SLC35F1: variants seen among roughly 807,000 people sequenced by gnomAD.
The protein encoded by SLC35F1 is solute carrier family 35 member F1.
Under a neutral mutation model 48.7 loss-of-function variants are expected in SLC35F1, and 14 were observed. That is an observed-to-expected ratio of 0.29 (90% CI 0.19 to 0.45). The LOEUF is 0.45. Ranked by LOEUF, SLC35F1 falls within the 20% of genes least tolerant of loss-of-function variation. SLC35F1 has a pLI of 1.00. For synonymous variants in SLC35F1, 190 were observed against 202.2 expected (o/e 0.94, Z 0.51); for missense variants, 404 against 500.0 (o/e 0.81, Z 1.83).
In SLC35F1 at chr6:118,103,797, A is replaced by G. The variant is rs144253074; in HGVS notation, c.174-50648A>G. ...GTTGCAGCTTTTCTAAACCCAGATGATTGTTCAGGCAACCTTGAAATGTTT... is the reference window on the plus strand; with the variant it reads ...GTTGCAGCTTTTCTAAACCCAGATGGTTGTTCAGGCAACCTTGAAATGTTT... On this transcript the variant is annotated intron_variant, in intron 1 of 7. Coordinates refer to ENST00000360388, the MANE Select transcript of SLC35F1 (RefSeq NM_001029858.4). Among the ~76,000 whole-genome samples the G allele has an allele frequency of 2.1e-3, 316 of 152,206 alleles. 1 individual carries two copies. The highest frequency in any genetic ancestry group is 7.5e-3 in the African/African-American group (312 of 41,534).
At chr6:118,066,845 G>C (rs1372410690) in intron 1 of SLC35F1, among the ~76,000 whole-genome samples, 2 of 149,944 alleles carry the variant, frequency 1.3e-5, no homozygotes, top group Non-Finnish European at 3.0e-5. Flanking sequence ...AAATTTGGTA[G>C]CATGAAACCC....
At chr6:118,211,814 T>C (rs1297505939) in intron 2 of SLC35F1, among the ~76,000 whole-genome samples, 2 of 152,350 alleles carry the variant, frequency 1.3e-5, no homozygotes, top group East Asian at 1.9e-4. Flanking sequence ...AAGAACTTAG[T>C]TGATGCATTA....
chr6:118,068,873 C>G (rs1267796204), intron 1 of SLC35F1, among the ~76,000 whole-genome samples: 1 of 152,066 alleles, frequency 6.6e-6, no homozygotes, highest in Non-Finnish European at 1.5e-5. Context: ...AAATAGAAAA[C>G]AAATTCCATT....
Position 118,314,148 on chromosome 6 carries a change from G to A in SLC35F1, c.1123G>A (p.Gly375Arg), listed in dbSNP as rs1295504402. 2 of 1,614,134 alleles carry A rather than the reference G, an allele frequency of 1.2e-6. No homozygotes were observed. Among genetic ancestry groups the A allele is most frequent in the African/African-American group, 2.7e-5 (2 of 75,048 alleles). The change falls in exon 8 of 8, where the codon GGA (glycine) becomes AGA (arginine). Residue 375 changes from glycine (G) to arginine (R), a missense_variant. Gly to Arg is a moderately radical substitution (Grantham distance 125). Around this residue, in one of 2 missense-constraint regions of SLC35F1, gnomAD observed 306 missense variants for 419.1 expected, o/e 0.73. Transcript: ENST00000360388. Reference sequence around the variant, plus strand: ...GTATAAGCAGTTCCGCAATCCTTCAGGACCTGTTGTGGACTTACCGACCAC... The same window carrying A: ...GTATAAGCAGTTCCGCAATCCTTCAAGACCTGTTGTGGACTTACCGACCAC... ...RVYKQFRNPS[G>R]PVVDLPTTAQ...
chr6:117,942,055 A>G (rs1351249771), intron 1 of SLC35F1, among the ~76,000 whole-genome samples: 2 of 152,248 alleles, frequency 1.3e-5, no homozygotes, highest in African/African-American at 4.8e-5. Flanking sequence ...AGAAAGGTCA[A>G]TGACATGTAT....
In SLC35F1 at chr6:118,112,366, A is replaced by G. The variant is rs371854387; in HGVS notation, c.174-42079A>G. ...TTAATCTTTTCTCACAAACCCTTGT[A>G]GCAGAGTACATCTCCCCATGATCTT... On this transcript the variant is annotated intron_variant, in intron 1 of 7. Transcript: ENST00000360388. Among the ~76,000 whole-genome samples the G allele has an allele frequency of 2.7e-4, 41 of 152,320 alleles. 1 individual carries two copies. The South Asian group carries it at 8.1e-3, about 30-fold the overall frequency.
chr6:118,126,625 C>T (rs936364770), intron 1 of SLC35F1, among the ~76,000 whole-genome samples: 2 of 151,370 alleles, frequency 1.3e-5, no homozygotes, highest in Admixed American at 1.3e-4. Flanking sequence ...ATGGAATGTT[C>T]TTCCATTTGT....
intron 1 of SLC35F1, among the ~76,000 whole-genome samples, chr6:118,063,087 T>G (rs1259865993): frequency 6.6e-6 from 1 of 152,156 alleles, no homozygotes; most frequent in Non-Finnish European, 1.5e-5. Context: ...AGTTATTGTC[T>G]ATAATCAGGA....
At position 118,009,027 on chromosome 6, in the gene SLC35F1, G is replaced by A. The variant is rs184703898; in HGVS notation, c.173+101128G>A. On this transcript the variant is annotated intron_variant, in intron 1 of 7. Transcript: ENST00000360388. Reference sequence around the variant, plus strand: ...AGAAATATCTTTTGTGTTGATACTCGTGTACTGTCGTGAAGTGTCATTTAT... The same window carrying A: ...AGAAATATCTTTTGTGTTGATACTCATGTACTGTCGTGAAGTGTCATTTAT... 1.6e-4 allele frequency among the ~76,000 whole-genome samples: 24 copies of A among 152,238 alleles called. No homozygotes were observed. The East Asian group carries it at 4.4e-3, about 28-fold the overall frequency.
chr6:118,253,948 C>G (rs998589055), intron 3 of SLC35F1, among the ~76,000 whole-genome samples: 2 of 151,672 alleles, frequency 1.3e-5, no homozygotes, highest in African/African-American at 4.8e-5. Flanking sequence ...AAGACCAGGA[C>G]TTGTATGGTG....
intron 1 of SLC35F1, among the ~76,000 whole-genome samples, chr6:118,070,614 C>G (rs911047121): frequency 1.3e-5 from 2 of 151,756 alleles, no homozygotes; most frequent in African/African-American, 4.8e-5. Flanking sequence ...TCCTACTTCC[C>G]AGGTATTTAA....
intron 1 of SLC35F1, among the ~76,000 whole-genome samples, chr6:118,015,598 T>G (rs1398821083): frequency 1.3e-5 from 2 of 152,030 alleles, no homozygotes; most frequent in Non-Finnish European, 2.9e-5. Flanking sequence ...TCCATCCATG[T>G]TCCTGCAAAA....
rs149759954 is a variant in SLC35F1 at position 118,161,224 on chromosome 6, G to A, written c.349+6604G>A. 3.9e-3 allele frequency among the ~76,000 whole-genome samples: 593 copies of A among 152,000 alleles called. 4 individuals are homozygous for A. Among genetic ancestry groups the A allele is most frequent in the African/African-American group, 0.013 (541 of 41,446 alleles). On this transcript the variant is annotated intron_variant, in intron 2 of 7. Coordinates refer to ENST00000360388, the MANE Select transcript of SLC35F1 (RefSeq NM_001029858.4). ...CTGAAGATCTCACCTCCCCAGATCC[G>A]TGAATGTGCCTCTGCCTCTGTGAAT...
chr6:118,312,862 T>A (rs1362926791), intron 7 of SLC35F1, among the ~76,000 whole-genome samples: 1 of 152,202 alleles, frequency 6.6e-6, no homozygotes, highest in Non-Finnish European at 1.5e-5. Flanking sequence ...TTCCAATTAA[T>A]TTTTGTCTTT....
chr6:118,016,045 A>G (rs183807515), intron 1 of SLC35F1, among the ~76,000 whole-genome samples: 2 of 152,314 alleles, frequency 1.3e-5, no homozygotes, highest in Admixed American at 6.5e-5. Context: ...AACTCTATCA[A>G]ATTTGAATGA....
intron 1 of SLC35F1, among the ~76,000 whole-genome samples, chr6:117,927,443 C>T (rs973997862): frequency 8.5e-5 from 13 of 152,134 alleles, no homozygotes; most frequent in African/African-American, 3.1e-4. Flanking sequence ...AACTGCAAAG[C>T]AGAAGGTGTG....
At chr6:118,154,345 A>T in intron 1 of SLC35F1, 100 bp from the exon 2 acceptor site, 1 of 935,324 alleles carries the variant, frequency 1.1e-6, no homozygotes, top group Non-Finnish European at 1.6e-6. Flanking sequence ...AATTGCACTT[A>T]ATCCAGTGCA....
rs146035356 is a variant in SLC35F1, at chr6:118,081,979, T to G, written c.174-72466T>G. 5.7e-3 allele frequency among the ~76,000 whole-genome samples: 868 copies of G among 152,362 alleles called. 4 individuals carry two copies. The highest frequency in any genetic ancestry group is 0.014 in the Middle Eastern group (4 of 294). On this transcript the variant is annotated intron_variant, in intron 1 of 7. Coordinates refer to ENST00000360388, the MANE Select transcript of SLC35F1 (RefSeq NM_001029858.4). ...AGACCCAAGGAATGAAAATTTCCGTTAATCTGTATCAATAACCTATGTTTT... is the reference window on the plus strand; with the variant it reads ...AGACCCAAGGAATGAAAATTTCCGTGAATCTGTATCAATAACCTATGTTTT...
At chr6:117,973,385 A>G (rs548923895) in intron 1 of SLC35F1, among the ~76,000 whole-genome samples, 1 of 152,284 alleles carries the variant, frequency 6.6e-6, no homozygotes, top group South Asian at 2.1e-4. Context: ...GGGACAAAGG[A>G]CATAATGACT....
Sources: gnomAD v4.1 joint callset for allele counts (sites outside exome capture counted in the v4.1 genomes callset) on GRCh38, gnomAD v4.1.1 for gene constraint, gnomAD v4.1.1 regional missense constraint, MANE v1.5 for transcripts, NCBI Gene and HGNC (gene_info 2026-07-23, HGNC 2026-07-21) for gene names.